WNT9B: variants seen among roughly 807,000 people sequenced by gnomAD.
WNT9B encodes Wnt family member 9B.
A neutral mutation model predicts 30.2 loss-of-function variants in WNT9B; 12 were observed. That is an observed-to-expected ratio of 0.40 (90% CI 0.26 to 0.64). WNT9B has a LOEUF of 0.64. Among genes scored for constraint, WNT9B ranks in the 30% least tolerant of loss-of-function variants. The pLI is 0.42. For synonymous variants in WNT9B, 218 were observed against 216.9 expected (o/e 1.01, Z -0.05); for missense variants, 442 against 485.2 (o/e 0.91, Z 0.84).
chr17:46,858,828 A>G (rs2084983274), intron 1 of WNT9B, among the ~76,000 whole-genome samples: 1 of 151,996 alleles, frequency 6.6e-6, no homozygotes, highest in Non-Finnish European at 1.5e-5. Flanking sequence ...CATCACGCCC[A>G]GCTAATTTTT....
At chr17:46,874,767 G>A (rs935512354) in intron 2 of WNT9B, among the ~76,000 whole-genome samples, 1 of 152,014 alleles carries the variant, frequency 6.6e-6, no homozygotes, top group Non-Finnish European at 1.5e-5. Context: ...TAGTAGAGAC[G>A]GGGTTTCACC....
At chr17:46,861,140 G>A (rs2085030500) in intron 1 of WNT9B, among the ~76,000 whole-genome samples, 1 of 152,210 alleles carries the variant, frequency 6.6e-6, no homozygotes, top group South Asian at 2.1e-4. Context: ...GTCCCCTTAG[G>A]GCAGCTCTGT....
intron 1 of WNT9B, among the ~76,000 whole-genome samples, chr17:46,863,817 C>A (rs1352326399): frequency 6.6e-6 from 1 of 152,066 alleles, no homozygotes; most frequent in Non-Finnish European, 1.5e-5. Context: ...TTAGGACAGT[C>A]CTAGTGGTTC....
intron 1 of WNT9B, among the ~76,000 whole-genome samples, chr17:46,862,663 A>G (rs901239468): frequency 6.6e-6 from 1 of 151,906 alleles, no homozygotes; most frequent in Admixed American, 6.6e-5. Context: ...GCTCACTACA[A>G]CCTCTGCCTC....
intron 1 of WNT9B, among the ~76,000 whole-genome samples, chr17:46,841,898 T>TG (rs926754422): frequency 4.2e-4 from 64 of 152,254 alleles, no homozygotes; most frequent in African/African-American, 7.7e-4. Flanking sequence ...CTGCGGTGTG[T>TG]GGGGGGGTCT....
At chr17:46,835,214 C>CT (rs993279077) in intron 1 of WNT9B, among the ~76,000 whole-genome samples, 6 of 151,508 alleles carry the variant, frequency 4.0e-5, no homozygotes, top group Non-Finnish European at 5.9e-5. Flanking sequence ...GTCCCTTATT[C>CT]TTTTTTTTCT....
At chr17:46,859,333 C>A (rs537090560) in intron 1 of WNT9B, among the ~76,000 whole-genome samples, 1 of 152,312 alleles carries the variant, frequency 6.6e-6, no homozygotes, top group African/African-American at 2.4e-5. Flanking sequence ...GTGTGTACAG[C>A]ATGGAGTAAG....
At chr17:46,869,597 G>A (rs1170171263) in intron 1 of WNT9B, among the ~76,000 whole-genome samples, 2 of 152,206 alleles carry the variant, frequency 1.3e-5, no homozygotes, top group Non-Finnish European at 2.9e-5. Context: ...GCAGCCTAGG[G>A]AATTCTGGCA....
chr17:46,876,753 G>T lies in WNT9B; in HGVS notation c.*35G>T. On this transcript the variant is annotated 3_prime_UTR_variant, in exon 4 of 4. Transcript: ENST00000290015. ...CCAGCAAGCCAGTCTGGCACTGCCA[G>T]GACCTCCTGTGGCACCCTTCAAGCT... is the stretch of plus-strand genomic sequence containing the variant. 6.6e-7 allele frequency: 1 copy of T among 1,509,216 alleles called. No homozygotes were observed. The highest frequency in any genetic ancestry group is 8.9e-7 in the Non-Finnish European group (1 of 1,126,360). The allele number at this position is 1,509,216 out of a possible 1,614,324, so 93.5% of individuals were successfully genotyped here. A position where few individuals can be genotyped will look rare whatever the true frequency, so the allele number is the denominator to read the frequency against.
exon 1 of WNT9B, chr17:46,833,270 G>A (rs1489521117): frequency 2.1e-6 from 1 of 465,244 alleles, no homozygotes; most frequent in African/African-American, 2.0e-5. Flanking sequence ...AGCTCCCTGG[G>A]TGATGGCTCC....
chr17:46,852,389 AGTGTGTGTGTGTGT>A (rs61138160), intron 1 of WNT9B, among the ~76,000 whole-genome samples: 147 of 105,362 alleles, frequency 1.4e-3, no homozygotes, highest in Middle Eastern at 9.7e-3. Context: ...GAGAGGGCCC[AGTGTGTGTGTGTGT>A]GTGTGTGTGT....
intron 1 of WNT9B, among the ~76,000 whole-genome samples, chr17:46,871,662 G>GA (rs1272075982): frequency 1.3e-5 from 2 of 152,104 alleles, no homozygotes; most frequent in Non-Finnish European, 2.9e-5. Context: ...TTCCAGAAGG[G>GA]AAAAAACCAA....
intron 3 of WNT9B, among the ~76,000 whole-genome samples, chr17:46,876,031 G>T (rs2146610658): frequency 6.6e-6 from 1 of 152,338 alleles, no homozygotes; most frequent in East Asian, 1.9e-4. Flanking sequence ...GCTGTGTTCA[G>T]TCACTCAGTT....
chr17:46,871,731 A>G (rs2085247248), intron 1 of WNT9B, among the ~76,000 whole-genome samples: 1 of 152,176 alleles, frequency 6.6e-6, no homozygotes, highest in Admixed American at 6.5e-5. Flanking sequence ...TGGCTCCAGA[A>G]TCGATGAACT....
At chr17:46,847,772 G>T (rs1362746493), upstream of WNT9B, among the ~76,000 whole-genome samples, 2 of 152,190 alleles carry the variant, frequency 1.3e-5, no homozygotes, top group African/African-American at 4.8e-5. Flanking sequence ...CTGGGAAGCC[G>T]CATTTCCACT....
intron 1 of WNT9B, among the ~76,000 whole-genome samples, chr17:46,836,095 C>CTGTGTGTGTGT (rs771533837): frequency 7.9e-6 from 1 of 126,434 alleles, no homozygotes; most frequent in African/African-American, 3.2e-5. Context: ...GAGACGCTGA[C>CTGTGTGTGTGT]GTGTGTGTGT....
intron 1 of WNT9B, among the ~76,000 whole-genome samples, chr17:46,858,014 C>T (rs184647044): frequency 2.0e-5 from 3 of 152,252 alleles, no homozygotes; most frequent in African/African-American, 4.8e-5. Context: ...ACTGCAACCT[C>T]CACCTCCTGG....
At chr17:46,871,826 C>A (rs553287888) in intron 1 of WNT9B, among the ~76,000 whole-genome samples, 1 of 152,326 alleles carries the variant, frequency 6.6e-6, no homozygotes, top group South Asian at 2.1e-4. Context: ...TCCATCAGTC[C>A]TTCCTTCCTT....
At chr17:46,852,731 C>G (rs1568119787) in intron 1 of WNT9B, among the ~76,000 whole-genome samples, 1 of 151,990 alleles carries the variant, frequency 6.6e-6, no homozygotes, top group Admixed American at 6.6e-5. Context: ...ATCTTCACCC[C>G]AAATCAATAG....
Sources: gnomAD v4.1 joint callset for allele counts (sites outside exome capture counted in the v4.1 genomes callset) on GRCh38, gnomAD v4.1.1 for gene constraint, MANE v1.5 for transcripts, NCBI Gene and HGNC (gene_info 2026-07-23, HGNC 2026-07-21) for gene names.